Variants in GABRB2 observed in about 807,000 individuals in gnomAD.
GABRB2 encodes gamma-aminobutyric acid receptor subunit beta-2.
A neutral mutation model predicts 54.7 loss-of-function variants in GABRB2; 16 were observed. The ratio of observed to expected loss-of-function variants is 0.29; its 90% CI spans 0.20 to 0.44. The LOEUF (loss-of-function observed/expected upper bound fraction) is 0.44, where lower values mean the gene tolerates loss of function less well. Ranked by LOEUF, GABRB2 falls within the 20% of genes least tolerant of loss-of-function variation. The pLI, the probability that GABRB2 is intolerant of heterozygous loss-of-function variation, is 1.00. For missense variants in GABRB2, 355 were observed against 644.0 expected (o/e 0.55, Z 4.86); for synonymous variants, 244 against 233.8 (o/e 1.04, Z -0.40).
chr5:161,546,901 T>C, upstream of GABRB2: 1 of 564,662 alleles, frequency 1.8e-6, no homozygotes. Context: ...CACAGCAGCA[T>C]CCAGAATAAA....
At chr5:161,437,546 C>T (rs775603902) in intron 4 of GABRB2, among the ~76,000 whole-genome samples, 2 of 151,918 alleles carry the variant, frequency 1.3e-5, no homozygotes, top group Non-Finnish European at 2.9e-5. Context: ...ATCTTGCTGG[C>T]GTCAGGTAAC....
intron 3 of GABRB2, among the ~76,000 whole-genome samples, chr5:161,483,412 C>T (rs181700534): frequency 8.6e-5 from 13 of 151,696 alleles, no homozygotes; most frequent in Non-Finnish European, 1.6e-4. Flanking sequence ...GAAAAGGATT[C>T]GTTATTTAAA....
At chr5:161,474,931 T>A (rs1758550290) in intron 3 of GABRB2, among the ~76,000 whole-genome samples, 1 of 151,956 alleles carries the variant, frequency 6.6e-6, no homozygotes, top group African/African-American at 2.4e-5. Flanking sequence ...CTAATTATAA[T>A]GTCTCTGAGA....
rs140037186 is a variant in GABRB2 at position 161,472,536 on chromosome 5, G to C, written c.238-12692C>G. ...ATTATTTCTCGGGTGGGGGTGGGGA[G>C]ATGAATGTCAGTCCCTGAGAATTCT... On this transcript the variant is annotated intron_variant, in intron 3 of 9. Transcript: ENST00000393959. 3.5e-3 allele frequency among the ~76,000 whole-genome samples: 534 copies of C among 151,800 alleles called. 4 individuals are homozygous for C. The highest frequency in any genetic ancestry group is 0.012 in the African/African-American group (508 of 41,436).
chr5:161,358,416 TA>T lies in GABRB2; in HGVS notation c.542-21648del, dbSNP rs993285726. ...GACTAGGTGACTAAAGTAATTTTGCTAAAAAAAAAAGTGGGGGGAATAAGTG... is the reference window on the plus strand; with the variant it reads ...GACTAGGTGACTAAAGTAATTTTGCTAAAAAAAAAGTGGGGGGAATAAGTG... On this transcript the variant is annotated intron_variant, in intron 5 of 9. Transcript: ENST00000393959. 4.4e-4 allele frequency among the ~76,000 whole-genome samples: 65 copies of T among 146,934 alleles called. No homozygotes were observed. In the East Asian group the frequency reaches 6.5e-3, roughly 15 times the overall value.
intron 9 of GABRB2, among the ~76,000 whole-genome samples, chr5:161,307,372 C>T (rs939743655): frequency 3.3e-5 from 5 of 152,140 alleles, no homozygotes; most frequent in African/African-American, 1.2e-4. Context: ...GGTAAGGACT[C>T]AATAAATATC....
chr5:161,517,559 C>T (rs989234986), intron 3 of GABRB2, among the ~76,000 whole-genome samples: 1 of 152,000 alleles, frequency 6.6e-6, no homozygotes, highest in African/African-American at 2.4e-5. Flanking sequence ...CCTGGAAAAA[C>T]ACTTGAGGGG....
intron 5 of GABRB2, among the ~76,000 whole-genome samples, chr5:161,376,176 C>T (rs1297558956): frequency 6.6e-6 from 1 of 152,126 alleles, no homozygotes; most frequent in African/African-American, 2.4e-5. Context: ...ATCACAAAGG[C>T]ACAGCCTCAT....
chr5:161,545,137 C>A (rs961026661), intron 3 of GABRB2, 90 bp downstream of exon 3: 9 of 929,362 alleles, frequency 9.7e-6, no homozygotes, highest in South Asian at 1.6e-5. Context: ...CATAGCCAAG[C>A]ACACCCCCAC....
At chr5:161,328,874 A>G (rs252942) in intron 8 of GABRB2, among the ~76,000 whole-genome samples, 51,444 of 151,844 alleles carry the variant, frequency 0.34, 8,868 homozygotes, top group African/African-American at 0.38. Context: ...CTGGGAGAAG[A>G]AAATGACCCT....
At chr5:161,344,805 C>G (rs879059876) in intron 5 of GABRB2, among the ~76,000 whole-genome samples, 4 of 152,102 alleles carry the variant, frequency 2.6e-5, no homozygotes, top group African/African-American at 9.7e-5. Context: ...AAATGCCAAT[C>G]AATGGATAGA....
rs1402875797 is a variant in GABRB2 at position 161,429,357 on chromosome 5, A to AAAAAAAAAAAAAAAAAAAAT, written c.459-18301_459-18300insATTTTTTTTTTTTTTTTTTT. Among the ~76,000 whole-genome samples, 40 of 108,316 alleles carry AAAAAAAAAAAAAAAAAAAAT rather than the reference A, an allele frequency of 3.7e-4. 2 individuals are homozygous for AAAAAAAAAAAAAAAAAAAAT. The highest frequency in any genetic ancestry group is 1.2e-3 in the African/African-American group (35 of 30,302). 71.1% of individuals were successfully genotyped at this position (108,316 alleles called of 152,430 possible). A position where few individuals can be genotyped will look rare whatever the true frequency, so the allele number is the denominator to read the frequency against. The stretch of plus-strand genomic sequence containing the variant: ...CAAGAATCCGTCTCAAAAAAAAAAA[A>AAAAAAAAAAAAAAAAAAAAT]AGAAAAAGAAAAAAAAAGAAATCCT... On this transcript the variant is annotated intron_variant, in intron 4 of 9. Coordinates refer to ENST00000393959, the MANE Select transcript of GABRB2 (RefSeq NM_001371727.1).
intron 3 of GABRB2, among the ~76,000 whole-genome samples, chr5:161,540,856 T>C (rs1486088405): frequency 6.6e-6 from 1 of 152,044 alleles, no homozygotes. Flanking sequence ...TTATTATTAT[T>C]ATTATTTTGA....
chr5:161,431,333 G>A (rs1679721117), intron 4 of GABRB2, among the ~76,000 whole-genome samples: 1 of 151,976 alleles, frequency 6.6e-6, no homozygotes, highest in Admixed American at 6.6e-5. Flanking sequence ...TGAGGTCAGG[G>A]GAAGCATGGT....
Position 161,293,765 on chromosome 5 carries a change from T to G in GABRB2, c.*316A>C. The G allele has an allele frequency of 3.6e-6, 1 of 281,160 alleles. No individual in the cohort carries two copies. The highest frequency in any genetic ancestry group is 6.7e-6 in the Non-Finnish European group (1 of 148,720). The allele number at this position is 281,160 out of a possible 1,614,324, so 17.4% of individuals were successfully genotyped here. ...AAATGACTGACAATGCTGTTGAGCC[T>G]TCTAAGAATATCTTCCAAATTATTC... is the stretch of plus-strand genomic sequence containing the variant. On this transcript the variant is annotated 3_prime_UTR_variant, in exon 10 of 10. Coordinates refer to ENST00000393959, the MANE Select transcript of GABRB2 (RefSeq NM_001371727.1).
intron 9 of GABRB2, among the ~76,000 whole-genome samples, chr5:161,320,045 T>A (rs950075642): frequency 6.5e-5 from 8 of 123,188 alleles, no homozygotes; most frequent in Non-Finnish European, 1.6e-4. Flanking sequence ...ATTGTCTTCC[T>A]CTTTGTTTCC....
At chr5:161,296,418 TAAG>T (rs958037127) in intron 9 of GABRB2, among the ~76,000 whole-genome samples, 3 of 152,172 alleles carry the variant, frequency 2.0e-5, no homozygotes, top group Admixed American at 1.3e-4. Flanking sequence ...GCAATTATAA[TAAG>T]AAGAGTTATG....
chr5:161,330,039 T>C (rs1465719781), intron 8 of GABRB2: 1 of 152,200 alleles, frequency 6.6e-6, no homozygotes, highest in Non-Finnish European at 1.5e-5. Flanking sequence ...TTTAAAATTG[T>C]GTTGCCCATG....
chr5:161,515,245 T>G (rs1759901005), intron 3 of GABRB2, among the ~76,000 whole-genome samples: 1 of 152,106 alleles, frequency 6.6e-6, no homozygotes, highest in Non-Finnish European at 1.5e-5. Context: ...TTTAACATTT[T>G]GGGTAAATAA....
Sources: allele counts gnomAD v4.1 joint callset (sites outside exome capture counted in the v4.1 genomes callset), GRCh38; gene constraint gnomAD v4.1.1; transcripts MANE v1.5; gene names NCBI Gene and HGNC (gene_info 2026-07-23, HGNC 2026-07-21).